The following SAMD12 variants were observed in gnomAD, a reference collection of about 807,000 sequenced individuals.
SAMD12 encodes the protein sterile alpha motif domain-containing protein 12.
SAMD12 carries 9 observed loss-of-function variants against 15.0 expected under a neutral mutation model. That is an observed-to-expected ratio of 0.60 (90% CI 0.36 to 1.05). SAMD12 has a LOEUF of 1.05. SAMD12 is among the 50% of genes least tolerant of loss of function. The pLI is 0.01. For synonymous variants in SAMD12, 86 were observed against 90.1 expected (o/e 0.96, Z 0.25); for missense variants, 230 against 234.2 (o/e 0.98, Z 0.12).
intron 2 of SAMD12, among the ~76,000 whole-genome samples, chr8:118,566,135 A>T (rs1227515375): frequency 6.6e-6 from 1 of 152,164 alleles, no homozygotes; most frequent in South Asian, 2.1e-4. Context: ...ATGAAACCAC[A>T]TGATCTCCCC....
intron 4 of SAMD12, among the ~76,000 whole-genome samples, chr8:118,346,740 G>A (rs1246189204): frequency 2.0e-5 from 3 of 152,166 alleles, no homozygotes; most frequent in African/African-American, 7.2e-5. Context: ...AATCAACAAA[G>A]GGAAAAGGCA....
chr8:118,178,828 T>C, the SAMD12 span, among the ~76,000 whole-genome samples: 1 of 152,222 alleles, frequency 6.6e-6, no homozygotes, highest in East Asian at 1.9e-4. Context: ...AGACAAATCC[T>C]GAAATCTCGA....
chr8:118,212,383 C>T (rs10112115), intron 4 of SAMD12, among the ~76,000 whole-genome samples: 77,348 of 151,934 alleles, frequency 0.51, 21,284 homozygotes, highest in Non-Finnish European at 0.62. Flanking sequence ...TTTATAGTCC[C>T]GCATCAGGCA....
chr8:118,362,313 G>A (rs1196521076), intron 4 of SAMD12, among the ~76,000 whole-genome samples: 1 of 152,070 alleles, frequency 6.6e-6, no homozygotes, highest in South Asian at 2.1e-4. Flanking sequence ...CCAAGTGTTA[G>A]GAGAGAATTA....
At chr8:118,580,984 A>G in intron 1 of SAMD12, 91 bp from the exon 2 acceptor site, 1 of 959,946 alleles carries the variant, frequency 1.0e-6, no homozygotes, top group Admixed American at 2.7e-5. Context: ...AAGTAGGAAA[A>G]AAACGAGGCA....
At chr8:118,439,763 G>A in intron 3 of SAMD12, 69 bp downstream of exon 3, 1 of 1,476,332 alleles carries the variant, frequency 6.8e-7, no homozygotes, top group Non-Finnish European at 9.4e-7. Flanking sequence ...CATGGTAAGG[G>A]TATGGGAAAG....
At chr8:118,187,067 G>A (rs996213577), downstream of SAMD12, among the ~76,000 whole-genome samples, 1 of 152,028 alleles carries the variant, frequency 6.6e-6, no homozygotes, top group African/African-American at 2.4e-5. Flanking sequence ...AATAATATTT[G>A]GGTTACACTA....
At chr8:118,615,929 T>C (rs1319933756) in intron 1 of SAMD12, among the ~76,000 whole-genome samples, 1 of 152,164 alleles carries the variant, frequency 6.6e-6, no homozygotes, top group Non-Finnish European at 1.5e-5. Context: ...CCACAGCAAG[T>C]TTCAAACTAG....
chr8:118,356,316 T>G (rs1818220977), intron 4 of SAMD12, among the ~76,000 whole-genome samples: 1 of 152,224 alleles, frequency 6.6e-6, no homozygotes, highest in Admixed American at 6.5e-5. Context: ...TTTATTCCAC[T>G]GTTGACAAAA....
intron 4 of SAMD12, among the ~76,000 whole-genome samples, chr8:118,326,014 G>A (rs1381636671): frequency 3.3e-5 from 5 of 152,140 alleles, no homozygotes; most frequent in Non-Finnish European, 7.3e-5. Context: ...CTGACTTCAC[G>A]CCGGAAGCCC....
At chr8:118,332,378 T>C (rs1286226761) in intron 4 of SAMD12, among the ~76,000 whole-genome samples, 1 of 152,216 alleles carries the variant, frequency 6.6e-6, no homozygotes, top group Non-Finnish European at 1.5e-5. Context: ...AAGCCACTCA[T>C]TAAAACTAGA....
intron 4 of SAMD12, among the ~76,000 whole-genome samples, chr8:118,339,992 GA>G (rs1206001002): frequency 6.6e-6 from 1 of 152,220 alleles, no homozygotes; most frequent in Non-Finnish European, 1.5e-5. Context: ...CAAGGGCAGG[GA>G]TCGTGTCTCA....
At chr8:118,539,435 C>T (rs1451025537) in intron 2 of SAMD12, among the ~76,000 whole-genome samples, 1 of 152,184 alleles carries the variant, frequency 6.6e-6, no homozygotes, top group Non-Finnish European at 1.5e-5. Flanking sequence ...CCAGCTTCAA[C>T]CACCAATCCC....
chr8:118,189,820 A>G (rs1229007481), exon 5 of SAMD12: 1 of 152,116 alleles, frequency 6.6e-6, no homozygotes, highest in East Asian at 1.9e-4. Flanking sequence ...GTTTCTAAAC[A>G]TCTTATGCCC....
chr8:118,260,773 C>T (rs1014440039), intron 4 of SAMD12, among the ~76,000 whole-genome samples: 1 of 152,084 alleles, frequency 6.6e-6, no homozygotes, highest in Non-Finnish European at 1.5e-5. Flanking sequence ...TTTCTTCATA[C>T]TGGTCTCTCT....
chr8:118,464,915 T>C (rs1823545422), intron 2 of SAMD12, among the ~76,000 whole-genome samples: 1 of 152,142 alleles, frequency 6.6e-6, no homozygotes, highest in East Asian at 1.9e-4. Context: ...CAAACATAAA[T>C]TAATAGATGC....
At chr8:118,282,374 G>A (rs1428103950) in intron 4 of SAMD12, 3 of 456,188 alleles carry the variant, frequency 6.6e-6, no homozygotes, top group Admixed American at 2.3e-5. Flanking sequence ...GTATAGGCTG[G>A]TGTTGGTTGA....
At chr8:118,411,192 A>G (rs548481771) in intron 3 of SAMD12, among the ~76,000 whole-genome samples, 2 of 152,334 alleles carry the variant, frequency 1.3e-5, no homozygotes, top group South Asian at 2.1e-4. Flanking sequence ...CGTTACAGGA[A>G]AAGACAGATG....
chr8:118,293,511 T>C (rs1814531723), intron 4 of SAMD12, among the ~76,000 whole-genome samples: 1 of 152,204 alleles, frequency 6.6e-6, no homozygotes, highest in South Asian at 2.1e-4. Flanking sequence ...CAGAAGTCAA[T>C]TTATATTTGG....
Sources: gnomAD v4.1 joint callset for allele counts (sites outside exome capture counted in the v4.1 genomes callset) on GRCh38, gnomAD v4.1.1 for gene constraint, MANE v1.5 for transcripts, NCBI Gene and HGNC (gene_info 2026-07-23, HGNC 2026-07-21) for gene names.